C22orf23: variants seen among roughly 807,000 people sequenced by gnomAD.
C22orf23 encodes the protein UPF0193 protein EVG1.
In C22orf23, 30 loss-of-function variants were observed where a neutral mutation model predicts 29.7. That is an observed-to-expected ratio of 1.01 (90% CI 0.76 to 1.37). The LOEUF is 1.37. Ranked by LOEUF, C22orf23 falls within the 40% of genes most tolerant of loss-of-function variation. The probability of loss-of-function intolerance (pLI) is 0.00; values close to 1 mark genes in which losing one functional copy is unlikely to be tolerated. For missense variants in C22orf23, 237 were observed against 273.1 expected, an observed-to-expected ratio of 0.87 and a Z score of 0.93; for synonymous variants, 90 against 96.1, an observed-to-expected ratio of 0.94 and a Z score of 0.37.
Position 37,947,454 on chromosome 22 carries a change from G to T in C22orf23, c.176C>A (p.Ala59Asp), listed in dbSNP as rs1930767726. 1 of 1,521,442 alleles carries T rather than the reference G, an allele frequency of 6.6e-7. No individual in the cohort carries two copies. The highest frequency in any genetic ancestry group is 2.6e-5 in the East Asian group (1 of 37,736). 94.2% of individuals were successfully genotyped at this position (1,521,442 alleles called of 1,614,324 possible). A position where few individuals can be genotyped will look rare whatever the true frequency, so the allele number is the denominator to read the frequency against. The change falls in exon 4 of 7, where the codon GCT (alanine) becomes GAT (aspartate). Residue 59 changes from alanine to aspartate, a missense_variant. Physicochemically the swap from Ala to Asp is moderately radical, Grantham distance 126. Coordinates refer to ENST00000403305, the MANE Select transcript of C22orf23 (RefSeq NM_032561.5). ...TGTTGGGCTGCACTGTAGGGGCAAA[G>T]CATCTCCTCCTGGGGAACGAAGAGT... ...HIMDIMKRGD[A>D]LPLQCSPTSS...
At chr22:37,951,564 C>T (rs369688391) in intron 2 of C22orf23, 42 bp from the exon 3 acceptor site, 144 of 1,572,520 alleles carry the variant, frequency 9.2e-5, no homozygotes, top group Non-Finnish European at 1.2e-4. Flanking sequence ...GGGCTGCAGG[C>T]GGATGCCTTC....
chr22:37,947,145 G>T, intron 4 of C22orf23, 136 bp downstream of exon 4: 1 of 871,898 alleles, frequency 1.1e-6, no homozygotes, highest in Non-Finnish European at 1.8e-6. Context: ...ATGTGCTGAG[G>T]CTCAAGAGCA....
chr22:37,945,627 T>C (rs550600512), intron 4 of C22orf23, among the ~76,000 whole-genome samples: 1 of 150,716 alleles, frequency 6.6e-6, no homozygotes, highest in South Asian at 2.1e-4. Flanking sequence ...TAGCTGGGAC[T>C]ACAGGTGGAC....
rs1000804798 is a variant in C22orf23 at position 37,947,573 on chromosome 22, C to T, written c.167-110G>A. ...TCACTCAGGCTGGAGTGCAGCGGCG[C>T]GATCTCGGCTTACTGCAACCTCTGC... On this transcript the variant is annotated intron_variant, in intron 3 of 6. Coordinates refer to ENST00000403305, the MANE Select transcript of C22orf23 (RefSeq NM_032561.5). 2.5e-5 allele frequency: 23 copies of T among 915,620 alleles called. 1 individual carries two copies. The highest frequency in any genetic ancestry group is 1.9e-4 in the African/African-American group (10 of 52,478). 56.7% of individuals were successfully genotyped at this position (915,620 alleles called of 1,614,324 possible).
chr22:37,952,729 A>G, intron 2 of C22orf23: 1 of 259,138 alleles, frequency 3.9e-6, no homozygotes. Flanking sequence ...CCGTCCGTGG[A>G]CTGGTACCAG....
At chr22:37,948,459 C>CA (rs1930831651) in intron 3 of C22orf23, among the ~76,000 whole-genome samples, 1 of 147,590 alleles carries the variant, frequency 6.8e-6, no homozygotes, top group African/African-American at 2.5e-5. Context: ...AAAAAACCCC[C>CA]AAAAAACAAA....
intron 3 of C22orf23, 168 bp downstream of exon 3, chr22:37,951,292 G>A (rs1180451323): frequency 3.2e-6 from 2 of 620,622 alleles, no homozygotes; most frequent in Non-Finnish European, 5.7e-6. Flanking sequence ...CTGGGCTTAA[G>A]CCATCCTCCC....
intron 3 of C22orf23, 92 bp downstream of exon 3, chr22:37,951,368 A>G (rs1931000295): frequency 8.7e-7 from 1 of 1,153,988 alleles, no homozygotes; most frequent in Admixed American, 2.1e-5. Context: ...TGTTTTTTTT[A>G]TATGAGGTCC....
At chr22:37,950,274 A>G (rs1004156529) in intron 3 of C22orf23, among the ~76,000 whole-genome samples, 1 of 150,230 alleles carries the variant, frequency 6.7e-6, no homozygotes, top group Non-Finnish European at 1.5e-5. Context: ...CATCATGCCC[A>G]GCTAATTTTT....
Position 37,946,108 on chromosome 22 carries a change from A to C in C22orf23, c.350-935T>G, listed in dbSNP as rs560970937. ...CCCACCTCTACTAAAAATACAAAAA[A>C]ATTAGCCCGGCGTGATGGCAGGTGC... On this transcript the variant is annotated intron_variant, in intron 4 of 6. Transcript: ENST00000403305. Among the ~76,000 whole-genome samples the C allele has an allele frequency of 4.6e-3, 695 of 152,026 alleles. 5 individuals are homozygous for C. Among genetic ancestry groups the C allele is most frequent in the Admixed American group, 0.016 (251 of 15,258 alleles).
Position 37,944,106 on chromosome 22 carries a change from G to C in C22orf23, c.*69C>G. 1 of 1,437,226 alleles carries C rather than the reference G, an allele frequency of 7.0e-7. No individual in the cohort carries two copies. Among genetic ancestry groups the C allele is most frequent in the Non-Finnish European group, 9.8e-7 (1 of 1,018,632 alleles). 89.0% of individuals were successfully genotyped at this position (1,437,226 alleles called of 1,614,324 possible). ...GGTAGGATGGGCTGGCCTGAGGATGGCCCTGCCTGGCAGAGGAGTGGACTC... is the reference window on the plus strand; with the variant it reads ...GGTAGGATGGGCTGGCCTGAGGATGCCCCTGCCTGGCAGAGGAGTGGACTC... On this transcript the variant is annotated 3_prime_UTR_variant, in exon 7 of 7. Coordinates refer to ENST00000403305, the MANE Select transcript of C22orf23 (RefSeq NM_032561.5).
chr22:37,949,234 C>T (rs868003193), intron 3 of C22orf23, among the ~76,000 whole-genome samples: 34 of 151,918 alleles, frequency 2.2e-4, no homozygotes, highest in Middle Eastern at 6.8e-3. Flanking sequence ...GTCAGTTGAC[C>T]CCACCTCTCA....
chr22:37,946,291 G>T (rs1930697415), intron 4 of C22orf23, among the ~76,000 whole-genome samples: 1 of 150,614 alleles, frequency 6.6e-6, no homozygotes, highest in Non-Finnish European at 1.5e-5. Flanking sequence ...GCAGGGCATG[G>T]TGATGGTGCC....
rs747710034 is a variant in C22orf23, at chr22:37,947,366, G to A, written c.264C>T (p.Leu88=). 9.3e-6 allele frequency: 15 copies of A among 1,613,786 alleles called. No individual in the cohort carries two copies. Among genetic ancestry groups the A allele is most frequent in the Admixed American group, 1.7e-5 (1 of 59,968 alleles). The stretch of plus-strand genomic sequence containing the variant: ...CAGGCCGGAGGTGGGGACGGGCTGC[G>A]AGGATGGGAGGCAGGTAGATGGGCG... The part of the protein sequence containing the change: ...IASPIYLPPI[L]AARPHLRPAN... Residue 88 remains leucine, a synonymous_variant, in exon 4 of 7, where the codon CTC becomes CTT. Coordinates refer to ENST00000403305, the MANE Select transcript of C22orf23 (RefSeq NM_032561.5).
intron 3 of C22orf23, among the ~76,000 whole-genome samples, chr22:37,950,568 G>A (rs1399953528): frequency 6.6e-6 from 1 of 152,050 alleles, no homozygotes; most frequent in African/African-American, 2.4e-5. Context: ...AACCTCCTGA[G>A]TAGCTGGGAC....
chr22:37,953,581 G>A lies in C22orf23; in HGVS notation c.-143C>T. ...GCGATCTGGGCTGCTGGAGCTGGCA[G>A]CTAGCGCCTCTCGCTACTATAGAAA... On this transcript the variant is annotated 5_prime_UTR_variant, in exon 1 of 7. Coordinates refer to ENST00000403305, the MANE Select transcript of C22orf23 (RefSeq NM_032561.5). The A allele has an allele frequency of 1.6e-6, 1 of 607,138 alleles. No homozygotes were observed. Among genetic ancestry groups the A allele is most frequent in the Non-Finnish European group, 2.8e-6 (1 of 356,986 alleles). The allele number at this position is 607,138 out of a possible 1,614,324, so 37.6% of individuals were successfully genotyped here. A position where few individuals can be genotyped will look rare whatever the true frequency, so the allele number is the denominator to read the frequency against.
intron 3 of C22orf23, among the ~76,000 whole-genome samples, chr22:37,950,272 C>T (rs1442061260): frequency 6.6e-6 from 1 of 151,606 alleles, no homozygotes; most frequent in Non-Finnish European, 1.5e-5. Context: ...GCCATCATGC[C>T]CAGCTAATTT....
chr22:37,948,682 C>A (rs989308199), intron 3 of C22orf23, among the ~76,000 whole-genome samples: 1 of 152,126 alleles, frequency 6.6e-6, no homozygotes, highest in African/African-American at 2.4e-5. Flanking sequence ...GTCTTCTCTT[C>A]TTCCTTCCAG....
At chr22:37,946,612 G>C (rs1001625682) in intron 4 of C22orf23, among the ~76,000 whole-genome samples, 1 of 150,838 alleles carries the variant, frequency 6.6e-6, no homozygotes, top group Non-Finnish European at 1.5e-5. Flanking sequence ...GGGAGCGGTC[G>C]TTTGTGCCTG....
Sources: gnomAD v4.1 joint callset for allele counts (sites outside exome capture counted in the v4.1 genomes callset) on GRCh38, gnomAD v4.1.1 for gene constraint, MANE v1.5 for transcripts, NCBI Gene and HGNC (gene_info 2026-07-23, HGNC 2026-07-21) for gene names.